COG5: variants seen among roughly 807,000 people sequenced by gnomAD.
COG5 encodes the protein conserved oligomeric Golgi complex subunit 5.
A neutral mutation model predicts 110.4 loss-of-function variants in COG5; 86 were observed. That is an observed-to-expected ratio of 0.78 (90% confidence interval 0.65 to 0.93). COG5 has a LOEUF of 0.93. Ranked by LOEUF, COG5 falls within the 40% of genes least tolerant of loss-of-function variation. The pLI is 0.00. For missense variants in COG5, 1,077 were observed against 987.0 expected (o/e 1.09, Z -1.22); for synonymous variants, 360 against 334.6 (o/e 1.08, Z -0.83).
chr7:107,541,023 T>C (rs1311301956), intron 5 of COG5, among the ~76,000 whole-genome samples: 3 of 151,820 alleles, frequency 2.0e-5, no homozygotes, highest in Non-Finnish European at 2.9e-5. Context: ...TTGTGGCACA[T>C]GCCTGTAATC....
At chr7:107,218,509 AAGAAATAGAAC>A (rs1456038329) in intron 19 of COG5, among the ~76,000 whole-genome samples, 1 of 152,100 alleles carries the variant, frequency 6.6e-6, no homozygotes. Context: ...TAGAAACACT[AAGAAATAGAAC>A]AGAACATAGA....
At chr7:107,531,788 C>T (rs1029915469) in intron 5 of COG5, among the ~76,000 whole-genome samples, 3 of 151,758 alleles carry the variant, frequency 2.0e-5, no homozygotes, top group African/African-American at 7.3e-5. Flanking sequence ...CAGCAGAAGC[C>T]TCTGAGAGTG....
At chr7:107,206,355 A>G (rs895135302) in intron 21 of COG5, among the ~76,000 whole-genome samples, 1 of 152,206 alleles carries the variant, frequency 6.6e-6, no homozygotes, top group Non-Finnish European at 1.5e-5. Flanking sequence ...GGCATGCAAG[A>G]TGGAATTTAG....
chr7:107,485,698 A>T (rs997910101), intron 6 of COG5, among the ~76,000 whole-genome samples: 1 of 152,194 alleles, frequency 6.6e-6, no homozygotes, highest in Admixed American at 6.5e-5. Context: ...TAAAGGGTCC[A>T]TTATGATAGC....
At chr7:107,509,150 A>T (rs1237003917) in intron 6 of COG5, among the ~76,000 whole-genome samples, 3 of 152,200 alleles carry the variant, frequency 2.0e-5, no homozygotes, top group African/African-American at 7.2e-5. Context: ...AAACCTTGAA[A>T]AAAAAGTAGA....
chr7:107,537,354 G>A (rs1173145740), intron 5 of COG5, among the ~76,000 whole-genome samples: 2 of 152,038 alleles, frequency 1.3e-5, no homozygotes, highest in Non-Finnish European at 2.9e-5. Flanking sequence ...GTCCATCAAC[G>A]TTAGACTGGA....
chr7:107,529,748 CT>C (rs564009053), intron 5 of COG5, among the ~76,000 whole-genome samples: 47 of 152,136 alleles, frequency 3.1e-4, no homozygotes, highest in Non-Finnish European at 5.1e-4. Flanking sequence ...GTTCTAAAGC[CT>C]TTTTAAATAA....
chr7:107,454,770 T>G (rs544084086), intron 6 of COG5, among the ~76,000 whole-genome samples: 3 of 152,130 alleles, frequency 2.0e-5, no homozygotes, highest in Non-Finnish European at 4.4e-5. Flanking sequence ...AAGACATGGG[T>G]TGGCAGATTT....
intron 19 of COG5, among the ~76,000 whole-genome samples, chr7:107,223,506 A>G (rs1800103178): frequency 6.6e-6 from 1 of 152,232 alleles, no homozygotes; most frequent in South Asian, 2.1e-4. Flanking sequence ...TTCTCTAAGA[A>G]TAAAAGCATA....
rs1276904114 is a variant in COG5 at position 107,202,663 on chromosome 7, T to A, written c.*853A>T. Reference sequence around the variant, plus strand: ...ACACTGCTAATTAGGAGGCTGCTGATAGGATTTTAAAAATTAAAAACAATG... The same window carrying A: ...ACACTGCTAATTAGGAGGCTGCTGAAAGGATTTTAAAAATTAAAAACAATG... On this transcript the variant is annotated 3_prime_UTR_variant, in exon 22 of 22. Transcript: ENST00000297135. 1 of 152,162 alleles carries A rather than the reference T, an allele frequency of 6.6e-6. No individual in the cohort carries two copies. The highest frequency in any genetic ancestry group is 1.5e-5 in the Non-Finnish European group (1 of 68,034). The allele number at this position is 152,162 out of a possible 1,614,324, so 9.4% of individuals were successfully genotyped here.
rs545600304 is a variant in COG5 at position 107,443,552 on chromosome 7, C to T, written c.539-30920G>A. 1.2e-3 allele frequency among the ~76,000 whole-genome samples: 185 copies of T among 151,204 alleles called. 2 individuals carry two copies. The highest frequency in any genetic ancestry group is 4.2e-3 in the African/African-American group (176 of 41,450). ...TCTTAATAAAGCTGTCAAAAAATAC[C>T]TCAGGCCAAAATAATATCTCTAATG... On this transcript the variant is annotated intron_variant, in intron 6 of 21. Coordinates refer to ENST00000297135, the MANE Select transcript of COG5 (RefSeq NM_006348.5).
At chr7:107,407,360 C>A (rs1791928050) in intron 7 of COG5, among the ~76,000 whole-genome samples, 1 of 152,062 alleles carries the variant, frequency 6.6e-6, no homozygotes. Context: ...CCAACCTGGG[C>A]AACAAGCGCA....
In COG5 at chr7:107,527,292, T is replaced by A. The variant is rs767611636; in HGVS notation, c.483A>T (p.Gln161His). 1.2e-6 allele frequency: 2 copies of A among 1,612,520 alleles called. No individual in the cohort carries two copies. The highest frequency in any genetic ancestry group is 1.7e-6 in the Non-Finnish European group (2 of 1,179,412). The change falls in exon 6 of 22, where the codon CAA becomes CAT. Residue 161 changes from glutamine (Q) to histidine (H), a missense_variant. By Grantham distance (24) the Gln-to-His change is conservative (BLOSUM62 0). Coordinates refer to ENST00000297135, the MANE Select transcript of COG5 (RefSeq NM_006348.5). ...TTATCTCTCTACTTCCCCCTTGCAG[T>A]TGTCCTTGGAGTCTCTTACTGAGAT... ...ILNLSKRLQG[Q>H]LQGGSREITK...
At chr7:107,532,171 C>G (rs1801261278) in intron 5 of COG5, among the ~76,000 whole-genome samples, 3 of 152,176 alleles carry the variant, frequency 2.0e-5, no homozygotes, top group Admixed American at 2.0e-4. Context: ...ATTCTCCTGC[C>G]TCAGCCACCT....
chr7:107,520,934 T>A (rs1375022085), intron 6 of COG5, among the ~76,000 whole-genome samples: 1 of 152,144 alleles, frequency 6.6e-6, no homozygotes. Context: ...ATGGTCCTGG[T>A]ACCAAAAGAG....
At chr7:107,527,635 G>A (rs1009184350) in intron 5 of COG5, among the ~76,000 whole-genome samples, 6 of 151,974 alleles carry the variant, frequency 3.9e-5, no homozygotes, top group South Asian at 2.1e-4. Flanking sequence ...CTAAATAATC[G>A]CAAGTCTTAA....
At chr7:107,512,044 A>T (rs1165513512) in intron 6 of COG5, among the ~76,000 whole-genome samples, 1 of 152,180 alleles carries the variant, frequency 6.6e-6, no homozygotes, top group Non-Finnish European at 1.5e-5. Context: ...AGTTCTGGCC[A>T]GGGCAATTAG....
At chr7:107,455,013 T>C (rs1399352893) in intron 6 of COG5, among the ~76,000 whole-genome samples, 1 of 152,102 alleles carries the variant, frequency 6.6e-6, no homozygotes, top group Non-Finnish European at 1.5e-5. Context: ...CAGAAATGAG[T>C]ATGTAAAACA....
At chr7:107,471,195 GA>G (rs1243322696) in intron 6 of COG5, among the ~76,000 whole-genome samples, 1 of 151,778 alleles carries the variant, frequency 6.6e-6, no homozygotes, top group Admixed American at 6.6e-5. Context: ...TCTTTATTAG[GA>G]AAAAAGACTT....
Sources: allele counts gnomAD v4.1 joint callset (sites outside exome capture counted in the v4.1 genomes callset), GRCh38; gene constraint gnomAD v4.1.1; transcripts MANE v1.5; gene names NCBI Gene and HGNC (gene_info 2026-07-23, HGNC 2026-07-21).